Variants in PCDHGA1 observed in about 807,000 individuals in gnomAD.
The protein encoded by PCDHGA1 is protocadherin gamma subfamily A, 1.
PCDHGA1 carries 32 observed loss-of-function variants against 58.0 expected under a neutral mutation model. The ratio of observed to expected loss-of-function variants is 0.55; its 90% confidence interval spans 0.42 to 0.74. The LOEUF (loss-of-function observed/expected upper bound fraction) is 0.74, where lower values mean the gene tolerates loss of function less well. PCDHGA1 is among the 30% of genes least tolerant of loss of function. The pLI is 0.00. For missense variants in PCDHGA1, 1,205 were observed against 1,182.3 expected, an observed-to-expected ratio of 1.02 and a Z score of -0.28; for synonymous variants, 498 against 501.1, an observed-to-expected ratio of 0.99 and a Z score of 0.08.
chr5:141,444,341 T>C (rs909401337), intron 1 of PCDHGA1, among the ~76,000 whole-genome samples: 2 of 151,892 alleles, frequency 1.3e-5, no homozygotes, highest in African/African-American at 4.8e-5. Context: ...CCAGCTAATT[T>C]TGTATTTTTA....
chr5:141,338,772 C>A, intron 1 of PCDHGA1: 2 of 1,275,966 alleles, frequency 1.6e-6, no homozygotes, highest in Non-Finnish European at 2.0e-6. Context: ...TCCAGCAATA[C>A]GGCTCCCACA....
Position 141,394,139 on chromosome 5 carries a change from G to A in PCDHGA1, c.2421+61034G>A, listed in dbSNP as rs780148099. 1.7e-5 allele frequency: 27 copies of A among 1,613,788 alleles called. No individual in the cohort carries two copies. The African/African-American group carries it at 3.5e-4, about 21-fold the overall frequency. On this transcript the variant is annotated intron_variant, in intron 1 of 3. Coordinates refer to ENST00000517417, the MANE Select transcript of PCDHGA1 (RefSeq NM_018912.3). ...CTGAAACTCAAATCGCTCTGCACGTGGCAGACATTAACGACAACCCTCCTA... is the reference window on the plus strand; with the variant it reads ...CTGAAACTCAAATCGCTCTGCACGTAGCAGACATTAACGACAACCCTCCTA...
At position 141,478,875 on chromosome 5, in the gene PCDHGA1, G is replaced by A. The variant is rs913320768; in HGVS notation, c.2422-15932G>A. On this transcript the variant is annotated intron_variant, in intron 1 of 3. Coordinates refer to ENST00000517417, the MANE Select transcript of PCDHGA1 (RefSeq NM_018912.3). ...ACAAGATCTCAGCGATCAGAGTTTA[G>A]CTTGGTATCATTTACATTAGGAATA... The A allele has an allele frequency of 2.4e-6, 3 of 1,273,470 alleles. No homozygotes were observed. The South Asian group carries it at 4.8e-5, about 21-fold the overall frequency. 78.9% of individuals were successfully genotyped at this position (1,273,470 alleles called of 1,614,324 possible).
chr5:141,447,805 G>T (rs1389870133), intron 1 of PCDHGA1, among the ~76,000 whole-genome samples: 2 of 152,064 alleles, frequency 1.3e-5, no homozygotes, highest in African/African-American at 4.8e-5. Context: ...AATAAAATTG[G>T]CTGGGCGTGG....
At chr5:141,380,251 G>C (rs1158039296) in intron 1 of PCDHGA1, among the ~76,000 whole-genome samples, 1 of 152,122 alleles carries the variant, frequency 6.6e-6, no homozygotes, top group Non-Finnish European at 1.5e-5. Context: ...AATTGTCAAA[G>C]GGGAAGGAGT....
At chr5:141,417,740 C>A (rs2096156298) in intron 1 of PCDHGA1, 3 of 1,413,210 alleles carry the variant, frequency 2.1e-6, no homozygotes, top group East Asian at 2.5e-5. Flanking sequence ...CCCAGCACAC[C>A]AGATTGCCAG....
intron 1 of PCDHGA1, chr5:141,410,481 G>C: frequency 6.2e-7 from 1 of 1,613,966 alleles, no homozygotes; most frequent in Non-Finnish European, 8.5e-7. Flanking sequence ...GCACATACGG[G>C]TACAAAAGAG....
chr5:141,449,588 CAAA>C (rs768743917), intron 1 of PCDHGA1, among the ~76,000 whole-genome samples: 1 of 57,486 alleles, frequency 1.7e-5, no homozygotes, highest in Non-Finnish European at 3.7e-5. Context: ...GACTCTGTCT[CAAA>C]AAAAAAAAAA....
At chr5:141,416,641 C>A (rs996381588) in intron 1 of PCDHGA1, 1 of 152,056 alleles carries the variant, frequency 6.6e-6, no homozygotes, top group Non-Finnish European at 1.5e-5. Context: ...AAACACCAAC[C>A]ACAGCTGTAA....
In PCDHGA1 at chr5:141,486,718, A is replaced by G; in HGVS notation, c.2422-8089A>G. 6.2e-7 allele frequency: 1 copy of G among 1,614,106 alleles called. No individual in the cohort carries two copies. The highest frequency in any genetic ancestry group is 1.7e-5 in the Admixed American group (1 of 60,022). On this transcript the variant is annotated intron_variant, in intron 1 of 3. Coordinates refer to ENST00000517417, the MANE Select transcript of PCDHGA1 (RefSeq NM_018912.3). This position sits in a 1 kb window ranked among gnomAD's most constrained non-coding sequence, Gnocchi z 5.0. Reference sequence around the variant, plus strand: ...TCATCTCTCTGAACCCCCAGACAGGAGCTGTTCATGCTACTCGATCCTTTG... The same window carrying G: ...TCATCTCTCTGAACCCCCAGACAGGGGCTGTTCATGCTACTCGATCCTTTG...
rs187164796 is a variant in PCDHGA1, at chr5:141,398,527, A to C, written c.2421+65422A>C. On this transcript the variant is annotated intron_variant, in intron 1 of 3. Transcript: ENST00000517417. ...CATTAATGACCACACGCCAAAATTC[A>C]CGCAAAATTCCTTTGAGCTGCAAAT... 1.8e-3 allele frequency: 2,980 copies of C among 1,613,696 alleles called. 47 individuals are homozygous for C. The African/African-American group carries it at 0.033, about 18-fold the overall frequency.
chr5:141,457,441 G>A (rs941085406), intron 1 of PCDHGA1, among the ~76,000 whole-genome samples: 1 of 152,134 alleles, frequency 6.6e-6, no homozygotes, highest in African/African-American at 2.4e-5. Flanking sequence ...CCAAGCTGCA[G>A]AAGATCACCA....
intron 1 of PCDHGA1, chr5:141,382,889 G>A: frequency 2.0e-5 from 30 of 1,532,432 alleles, no homozygotes; most frequent in Non-Finnish European, 2.5e-5. Context: ...AGCAAGAGAA[G>A]CAGGACGACT....
At chr5:141,361,906 G>T in intron 1 of PCDHGA1, 3 of 1,609,144 alleles carry the variant, frequency 1.9e-6, no homozygotes, top group Non-Finnish European at 2.5e-6. Flanking sequence ...GGTGACCAAG[G>T]TGGTGGCGGT....
At chr5:141,433,208 CTTT>C (rs745329085) in intron 1 of PCDHGA1, 6 of 1,292,918 alleles carry the variant, frequency 4.6e-6, no homozygotes, top group East Asian at 2.6e-5. Flanking sequence ...AATCTTCTTT[CTTT>C]TTTTTTTTTA....
At chr5:141,471,637 T>C (rs1284100810) in intron 1 of PCDHGA1, 2 of 152,198 alleles carry the variant, frequency 1.3e-5, no homozygotes, top group Non-Finnish European at 2.9e-5. Context: ...TATGGATTAG[T>C]AATATACTGG....
rs1383420491 is a variant in PCDHGA1 at position 141,384,736 on chromosome 5, G to A, written c.2421+51631G>A. On this transcript the variant is annotated intron_variant, in intron 1 of 3. Transcript: ENST00000517417. ...GTCATACCTCCTGCTTAAGGCCAGC[G>A]AGCCAGGACTCTTTGCGGTTGGGCT... 3.7e-6 allele frequency: 6 copies of A among 1,613,938 alleles called. No homozygotes were observed. Among genetic ancestry groups the A allele is most frequent in the African/African-American group, 2.7e-5 (2 of 74,932 alleles).
intron 1 of PCDHGA1, chr5:141,395,542 T>G (rs1357533541): frequency 1.8e-5 from 3 of 170,278 alleles, no homozygotes; most frequent in South Asian, 8.8e-5. Context: ...TTGCTATTGT[T>G]TGTGTGTGTG....
chr5:141,332,888 T>C lies in PCDHGA1; in HGVS notation c.2204T>C (p.Met735Thr), dbSNP rs1229251824. The change falls in exon 1 of 4, where the codon ATG (methionine) becomes ACG (threonine). Residue 735 changes from methionine (M) to threonine (T), a missense_variant. By Grantham distance (81) the Met-to-Thr change is moderately conservative. Transcript: ENST00000517417. This position sits in a 1 kb window ranked among gnomAD's most constrained non-coding sequence, Gnocchi z 4.6. ...LQASGGGLASMPGSHFVGVDG... is the reference protein window; with the variant it reads ...LQASGGGLASTPGSHFVGVDG... ...GCTTCGGGAGGCGGCTTAGCGAGCA[T>C]GCCCGGTTCGCACTTTGTGGGCGTG... is the stretch of plus-strand genomic sequence containing the variant. The C allele has an allele frequency of 8.7e-6, 14 of 1,614,102 alleles. No individual in the cohort carries two copies. The highest frequency in any genetic ancestry group is 8.0e-5 in the African/African-American group (6 of 74,946).
Sources: gnomAD v4.1 joint callset for allele counts (sites outside exome capture counted in the v4.1 genomes callset) on GRCh38, gnomAD v4.1.1 for gene constraint, Gnocchi (gnomAD v3.1) non-coding constraint, MANE v1.5 for transcripts, NCBI Gene and HGNC (gene_info 2026-07-23, HGNC 2026-07-21) for gene names.